Variants in NPEPL1 observed in about 807,000 individuals in gnomAD.
NPEPL1 encodes probable aminopeptidase NPEPL1.
NPEPL1 carries 45 observed loss-of-function variants against 52.4 expected under a neutral mutation model. The observed-to-expected ratio is 0.86, with a 90% confidence interval of 0.68 to 1.10. The LOEUF (loss-of-function observed/expected upper bound fraction) is 1.10. Among genes scored for constraint, NPEPL1 ranks in the 50% least tolerant of loss-of-function variants. The pLI is 0.00. For synonymous variants in NPEPL1, 360 were observed against 314.7 expected (o/e 1.14, Z -1.52); for missense variants, 696 against 710.9 (o/e 0.98, Z 0.24).
chr20:58,691,363 GCTTTTTTTTTT>G, upstream of NPEPL1: 3 of 248,676 alleles, frequency 1.2e-5, no homozygotes, highest in South Asian at 2.8e-5. Context: ...TCATTCAACA[GCTTTTTTTTTT>G]TTTTTTTTTT....
chr20:58,689,268 T>TC (rs2084308759), upstream of NPEPL1: 1 of 152,172 alleles, frequency 6.6e-6, no homozygotes, highest in South Asian at 2.1e-4. Flanking sequence ...TCTTTTTCTT[T>TC]CTTTTTTTTT....
At chr20:58,697,753 A>G (rs1410152690) in intron 3 of NPEPL1, among the ~76,000 whole-genome samples, 2 of 152,230 alleles carry the variant, frequency 1.3e-5, no homozygotes, top group African/African-American at 2.4e-5. Context: ...GGGTGCCCGC[A>G]GATTCAGCTG....
chr20:58,694,712 G>A, intron 3 of NPEPL1, 120 bp downstream of exon 3: 1 of 1,101,934 alleles, frequency 9.1e-7, no homozygotes, highest in Non-Finnish European at 1.3e-6. Flanking sequence ...GCCCTTCCCA[G>A]GAGCTTTGGT....
At chr20:58,699,423 C>G in intron 5 of NPEPL1, 145 bp downstream of exon 5, 1 of 668,148 alleles carries the variant, frequency 1.5e-6, no homozygotes, top group Non-Finnish European at 2.5e-6. Context: ...TGTGTCCAAG[C>G]CCAGTGCCGG....
chr20:58,714,720 C>A, intron 11 of NPEPL1, 50 bp downstream of exon 11: 3 of 1,390,738 alleles, frequency 2.2e-6, no homozygotes, highest in South Asian at 1.3e-5. Flanking sequence ...CCCGCTTGTC[C>A]AAACAGCGCC....
intron 6 of NPEPL1, chr20:58,705,584 C>A (rs1217351870): frequency 2.2e-6 from 1 of 454,550 alleles, no homozygotes; most frequent in Non-Finnish European, 4.4e-6. Context: ...GTGTCAGCCC[C>A]GTGAAAAAGG....
rs2084909169 is a variant in NPEPL1 at position 58,714,105 on chromosome 20, G to T, written c.1302+12G>T. The T allele has an allele frequency of 1.3e-6, 2 of 1,536,188 alleles. No homozygotes were observed. Among genetic ancestry groups the T allele is most frequent in the Admixed American group, 2.1e-5 (1 of 47,190 alleles). On this transcript the variant is annotated intron_variant, in intron 10 of 11. Transcript: ENST00000356091. The stretch of plus-strand genomic sequence containing the variant: ...AGAACTCAGTGGCGGTAGGTTTGGA[G>T]CCTCGAACCTGGAGCCTGCCACATG...
At chr20:58,699,075 C>G (rs1439103965) in intron 4 of NPEPL1, 122 bp from the exon 5 acceptor site, 8 of 929,556 alleles carry the variant, frequency 8.6e-6, no homozygotes, top group Non-Finnish European at 1.2e-5. Context: ...AGCTGGCTCC[C>G]AAGCCCGGCT....
In NPEPL1 at chr20:58,704,408, A is replaced by T. The variant is rs1262455541; in HGVS notation, c.823-2715A>T. ...TACGCTCTTAACAAGTACCGACCCC[A>T]AAGAGGCTTTTTGTATAACAATGTC... On this transcript the variant is annotated intron_variant, in intron 6 of 11. Coordinates refer to ENST00000356091, the MANE Select transcript of NPEPL1 (RefSeq NM_024663.4). The T allele has an allele frequency of 3.1e-6, 3 of 982,118 alleles. No individual in the cohort carries two copies. The Admixed American group carries it at 1.8e-4, about 60-fold the overall frequency. 60.8% of individuals were successfully genotyped at this position (982,118 alleles called of 1,614,324 possible). A position where few individuals can be genotyped will look rare whatever the true frequency, so the allele number is the denominator to read the frequency against.
upstream of NPEPL1, among the ~76,000 whole-genome samples, chr20:58,690,352 A>G (rs1173724793): frequency 6.6e-6 from 1 of 152,238 alleles, no homozygotes; most frequent in Non-Finnish European, 1.5e-5. Flanking sequence ...TTTAAGGAAA[A>G]TTAAATAGAG....
intron 3 of NPEPL1, among the ~76,000 whole-genome samples, chr20:58,695,189 G>A (rs892363912): frequency 7.1e-5 from 2 of 28,306 alleles, no homozygotes; most frequent in Admixed American, 3.4e-4. Context: ...GTGTGTTGTT[G>A]TGTGTGAGTA....
chr20:58,696,015 G>A (rs2030749001), intron 3 of NPEPL1, among the ~76,000 whole-genome samples: 1 of 152,102 alleles, frequency 6.6e-6, no homozygotes, highest in African/African-American at 2.4e-5. Flanking sequence ...AGCCCTCTCC[G>A]GGTCAGACAC....
Position 58,713,030 on chromosome 20 carries a change from A to G in NPEPL1, c.1002-390A>G. The G allele has an allele frequency of 2.8e-6, 1 of 354,740 alleles. No homozygotes were observed. The highest frequency in any genetic ancestry group is 2.5e-5 in the South Asian group (1 of 39,818). 22.0% of individuals were successfully genotyped at this position (354,740 alleles called of 1,614,324 possible). On this transcript the variant is annotated intron_variant, in intron 8 of 11. Transcript: ENST00000356091. This position sits in a 1 kb window ranked among gnomAD's most constrained non-coding sequence, Gnocchi z 4.6. Reference sequence around the variant, plus strand: ...AGAGAAGAGCCCTCTCCCCAGCCCCATGAGCTGGTGCCTGAGTGGGCGCCT... The same window carrying G: ...AGAGAAGAGCCCTCTCCCCAGCCCCGTGAGCTGGTGCCTGAGTGGGCGCCT...
chr20:58,713,037 G>A lies in NPEPL1; in HGVS notation c.1002-383G>A, dbSNP rs1409967188. Reference sequence around the variant, plus strand: ...AGCCCTCTCCCCAGCCCCATGAGCTGGTGCCTGAGTGGGCGCCTCCCCGCA... The same window carrying A: ...AGCCCTCTCCCCAGCCCCATGAGCTAGTGCCTGAGTGGGCGCCTCCCCGCA... On this transcript the variant is annotated intron_variant, in intron 8 of 11. Transcript: ENST00000356091. This position sits in a 1 kb window ranked among gnomAD's most constrained non-coding sequence, Gnocchi z 4.6. 2 of 350,084 alleles carry A rather than the reference G, an allele frequency of 5.7e-6. No individual in the cohort carries two copies. The highest frequency in any genetic ancestry group is 1.1e-5 in the Non-Finnish European group (2 of 181,532). 21.7% of individuals were successfully genotyped at this position (350,084 alleles called of 1,614,324 possible).
intron 3 of NPEPL1, among the ~76,000 whole-genome samples, chr20:58,698,122 A>G (rs1200870798): frequency 2.0e-5 from 3 of 152,228 alleles, no homozygotes; most frequent in Non-Finnish European, 4.4e-5. Context: ...GCAACGGCCC[A>G]GAGGGAAGGC....
chr20:58,714,043 C>T lies in NPEPL1; in HGVS notation c.1252C>T (p.His418Tyr), dbSNP rs950831324. Reference protein sequence around the residue: ...VHPLVYCPELHFSEFTSAVAD... With the variant: ...VHPLVYCPELYFSEFTSAVAD... ...CCCGCTGGTCTACTGCCCCGAGCTG[C>T]ACTTCAGCGAGTTCACCTCAGCTGT... Residue 418 changes from histidine to tyrosine, a missense_variant, in exon 10 of 12, where the codon CAC (histidine) becomes TAC (tyrosine). Coordinates refer to ENST00000356091, the MANE Select transcript of NPEPL1 (RefSeq NM_024663.4). 1 of 1,542,242 alleles carries T rather than the reference C, an allele frequency of 6.5e-7. No individual in the cohort carries two copies. Among genetic ancestry groups the T allele is most frequent in the East Asian group, 2.5e-5 (1 of 40,550 alleles).
intron 6 of NPEPL1, among the ~76,000 whole-genome samples, chr20:58,704,939 AAATG>A (rs1237660582): frequency 1.3e-5 from 2 of 152,228 alleles, no homozygotes; most frequent in African/African-American, 4.8e-5. Flanking sequence ...TTTCATGGAA[AAATG>A]AATGTTCACT....
chr20:58,700,966 C>T (rs1414948967), intron 5 of NPEPL1, 50 bp from the exon 6 acceptor site: 18 of 1,415,464 alleles, frequency 1.3e-5, no homozygotes, highest in Non-Finnish European at 1.7e-5. Context: ...TGGGAGTTCC[C>T]CGCTCAGCTC....
intron 3 of NPEPL1, among the ~76,000 whole-genome samples, chr20:58,696,742 G>A (rs1568848924): frequency 6.6e-6 from 1 of 152,260 alleles, no homozygotes; most frequent in Non-Finnish European, 1.5e-5. Flanking sequence ...GGCATCTTCT[G>A]AGTGCTGTCA....
Sources: gnomAD v4.1 joint callset for allele counts (sites outside exome capture counted in the v4.1 genomes callset) on GRCh38, gnomAD v4.1.1 for gene constraint, Gnocchi (gnomAD v3.1) non-coding constraint, MANE v1.5 for transcripts, NCBI Gene and HGNC (gene_info 2026-07-23, HGNC 2026-07-21) for gene names.